The following ABI1 variants were observed in gnomAD, a reference collection of about 807,000 sequenced individuals.
ABI1 encodes abl interactor 1.
A neutral mutation model predicts 54.6 loss-of-function variants in ABI1; 14 were observed. The observed-to-expected ratio is 0.26, with a 90% CI of 0.17 to 0.40. The LOEUF is 0.40. Among genes scored for constraint, ABI1 ranks in the 10% least tolerant of loss-of-function variants. The pLI, the probability that ABI1 is intolerant of heterozygous loss-of-function variation, is 1.00. For missense variants in ABI1, 443 were observed against 598.3 expected (o/e 0.74, Z 2.71); for synonymous variants, 194 against 209.3 (o/e 0.93, Z 0.63).
chr10:26,850,574 C>G (rs1439680318), intron 1 of ABI1, among the ~76,000 whole-genome samples: 2 of 151,774 alleles, frequency 1.3e-5, no homozygotes, highest in African/African-American at 4.8e-5. Flanking sequence ...AGGAGAATTG[C>G]CTGAACCTGG....
rs1471363368 is a variant in ABI1 at position 26,860,873 on chromosome 10, C to G, written c.-10G>C. The G allele has an allele frequency of 6.2e-7, 1 of 1,610,560 alleles. No individual in the cohort carries two copies. The highest frequency in any genetic ancestry group is 8.5e-7 in the Non-Finnish European group (1 of 1,176,862). ...TCTGCAGCTCTGCCATTTTCCACCC[C>G]TCTGCATCGCTTCCTCTCGCGTTAA... is the stretch of plus-strand genomic sequence containing the variant. On this transcript the variant is annotated 5_prime_UTR_variant, in exon 1 of 11. Transcript: ENST00000376140. The surrounding 1 kb of genome is among the most constrained non-coding windows in gnomAD (Gnocchi z 4.1).
chr10:26,803,180 A>T (rs1210537763), intron 2 of ABI1, among the ~76,000 whole-genome samples: 5 of 152,182 alleles, frequency 3.3e-5, no homozygotes, highest in African/African-American at 1.2e-4. Flanking sequence ...CACTTCCAGA[A>T]GAGTAAATAA....
chr10:26,838,041 T>A (rs923084798), intron 1 of ABI1, among the ~76,000 whole-genome samples: 5 of 150,656 alleles, frequency 3.3e-5, no homozygotes, highest in Admixed American at 1.3e-4. Flanking sequence ...TTTTTTTTTT[T>A]GAGAGAGAGT....
At chr10:26,839,428 T>A (rs1415423780) in intron 1 of ABI1, among the ~76,000 whole-genome samples, 2 of 151,932 alleles carry the variant, frequency 1.3e-5, no homozygotes, top group East Asian at 3.9e-4. Context: ...CCCAGGAGGT[T>A]GAGGCTGCAG....
At chr10:26,826,650 T>C (rs1418580616) in intron 1 of ABI1, among the ~76,000 whole-genome samples, 1 of 152,252 alleles carries the variant, frequency 6.6e-6, no homozygotes, top group Admixed American at 6.5e-5. Flanking sequence ...GAAAATCTGA[T>C]ATTAAGTGTA....
chr10:26,758,731 T>A (rs75647480), intron 8 of ABI1, among the ~76,000 whole-genome samples: 2,356 of 152,330 alleles, frequency 0.015, 52 homozygotes, highest in African/African-American at 0.054. Flanking sequence ...AACATGCCAA[T>A]AAATTCAGTT....
At chr10:26,769,659 ACTG>A in intron 5 of ABI1, among the ~76,000 whole-genome samples, 1 of 152,194 alleles carries the variant, frequency 6.6e-6, no homozygotes, top group East Asian at 1.9e-4. Context: ...TATTTAGTAC[ACTG>A]AGAACTAGGA....
intron 2 of ABI1, among the ~76,000 whole-genome samples, chr10:26,788,772 C>T (rs143961896): frequency 0.02 from 3,100 of 151,894 alleles, 76 homozygotes; most frequent in African/African-American, 0.065. Context: ...ATTAGCTGGG[C>T]GTGGTTGGCG....
chr10:26,794,136 G>A (rs967340977), intron 2 of ABI1, among the ~76,000 whole-genome samples: 4 of 152,022 alleles, frequency 2.6e-5, no homozygotes, highest in South Asian at 4.2e-4. Flanking sequence ...CCAGCTACTC[G>A]AGAGGCTAAG....
intron 2 of ABI1, among the ~76,000 whole-genome samples, chr10:26,822,869 C>G (rs959782335): frequency 1.3e-5 from 2 of 152,094 alleles, no homozygotes; most frequent in African/African-American, 4.8e-5. Context: ...AACAGTAGGA[C>G]AGTGGTGACA....
intron 1 of ABI1, among the ~76,000 whole-genome samples, chr10:26,846,532 G>A (rs773715850): frequency 6.6e-6 from 1 of 151,760 alleles, no homozygotes; most frequent in African/African-American, 2.4e-5. Flanking sequence ...TAGTAGAGAC[G>A]GGGTTTCACC....
chr10:26,819,588 T>C (rs2047830612), intron 2 of ABI1, among the ~76,000 whole-genome samples: 1 of 152,248 alleles, frequency 6.6e-6, no homozygotes, highest in African/African-American at 2.4e-5. Flanking sequence ...TAATGAGATT[T>C]ATAGACATTC....
intron 2 of ABI1, among the ~76,000 whole-genome samples, chr10:26,789,614 T>C (rs1228123838): frequency 6.6e-6 from 1 of 151,670 alleles, no homozygotes; most frequent in Non-Finnish European, 1.5e-5. Context: ...ATTTTATTAA[T>C]ATTTTATGTT....
chr10:26,853,229 C>T, intron 1 of ABI1, among the ~76,000 whole-genome samples: 2 of 87,804 alleles, frequency 2.3e-5, no homozygotes, highest in African/African-American at 7.6e-5. Context: ...AGCGAGACTC[C>T]ATCTCAAAAA....
chr10:26,856,628 G>C (rs1274192942), intron 1 of ABI1, among the ~76,000 whole-genome samples: 4 of 152,232 alleles, frequency 2.6e-5, no homozygotes, highest in Admixed American at 2.0e-4. Context: ...GTAGCTCACA[G>C]TAACATACTG....
intron 2 of ABI1, among the ~76,000 whole-genome samples, chr10:26,821,993 A>G (rs2048015342): frequency 6.6e-6 from 1 of 152,182 alleles, no homozygotes; most frequent in African/African-American, 2.4e-5. Context: ...GGAACACTCC[A>G]GGTCCAGATG....
rs1423629748 is a variant in ABI1, at chr10:26,748,561, A to G, written c.*9T>C. 3 of 1,592,876 alleles carry G rather than the reference A, an allele frequency of 1.9e-6. No homozygotes were observed. Among genetic ancestry groups the G allele is most frequent in the Non-Finnish European group, 2.6e-6 (3 of 1,171,732 alleles). Reference sequence around the variant, plus strand: ...GTAATAAGAATCTACTTCAAAAGAAAAAAAAAAATTAATCAGTATAGTGCA... The same window carrying G: ...GTAATAAGAATCTACTTCAAAAGAAGAAAAAAAATTAATCAGTATAGTGCA... On this transcript the variant is annotated 3_prime_UTR_variant, in exon 11 of 11. Coordinates refer to ENST00000376140, the MANE Select transcript of ABI1 (RefSeq NM_001012750.3).
At chr10:26,765,647 G>A (rs759338661) in intron 6 of ABI1, among the ~76,000 whole-genome samples, 5 of 147,974 alleles carry the variant, frequency 3.4e-5, no homozygotes, top group Non-Finnish European at 7.5e-5. Context: ...GAGGGAGGGA[G>A]GAAGGGAAAG....
At chr10:26,828,031 T>C (rs2048423515) in intron 1 of ABI1, among the ~76,000 whole-genome samples, 1 of 152,258 alleles carries the variant, frequency 6.6e-6, no homozygotes, top group Non-Finnish European at 1.5e-5. Context: ...AGCTTTTGAC[T>C]TGCCTTCCTC....
Sources: allele counts gnomAD v4.1 joint callset (sites outside exome capture counted in the v4.1 genomes callset), GRCh38; gene constraint gnomAD v4.1.1; non-coding constraint Gnocchi (gnomAD v3.1); transcripts MANE v1.5; gene names NCBI Gene and HGNC (gene_info 2026-07-23, HGNC 2026-07-21).